The following TENM2 variants were observed in gnomAD, a reference collection of about 807,000 sequenced individuals.
The protein encoded by TENM2 is teneurin-2.
TENM2 carries 52 observed loss-of-function variants against 245.2 expected under a neutral mutation model. The ratio of observed to expected loss-of-function variants is 0.21; its 90% CI spans 0.17 to 0.27. The LOEUF (loss-of-function observed/expected upper bound fraction) is 0.27. Among genes scored for constraint, TENM2 ranks in the 10% least tolerant of loss-of-function variants. The probability of loss-of-function intolerance (pLI) is 1.00; values close to 1 mark genes in which losing one functional copy is unlikely to be tolerated. For missense variants in TENM2, 3,046 were observed against 3,666.8 expected, an observed-to-expected ratio of 0.83 and a Z score of 4.37; for synonymous variants, 1,363 against 1,438.9, an observed-to-expected ratio of 0.95 and a Z score of 1.19.
At chr5:167,711,478 G>A (rs1339035200) in intron 2 of TENM2, among the ~76,000 whole-genome samples, 1 of 152,070 alleles carries the variant, frequency 6.6e-6, no homozygotes, top group Non-Finnish European at 1.5e-5. Flanking sequence ...ATCCTTTTCG[G>A]CCTGGACCCC....
the TENM2 span, among the ~76,000 whole-genome samples, chr5:166,994,706 A>T: frequency 6.6e-6 from 1 of 152,176 alleles, no homozygotes; most frequent in African/African-American, 2.4e-5. Context: ...TAGGAACTGA[A>T]CATCACAGCT....
intron 12 of TENM2, among the ~76,000 whole-genome samples, chr5:168,161,843 C>CACACAT (rs1296353237): frequency 6.6e-6 from 1 of 151,660 alleles, no homozygotes; most frequent in South Asian, 2.1e-4. Context: ...CACACACACA[C>CACACAT]ATCAATAAAG....
chr5:167,389,220 A>C (rs66870020), intron 2 of TENM2, among the ~76,000 whole-genome samples: 29,176 of 149,078 alleles, frequency 0.2, 2,938 homozygotes, highest in African/African-American at 0.22. Context: ...TATGCAAAGC[A>C]TATGTGCGTA....
chr5:168,237,969 C>T (rs1195554269), intron 25 of TENM2, among the ~76,000 whole-genome samples: 1 of 151,098 alleles, frequency 6.6e-6, no homozygotes, highest in African/African-American at 2.4e-5. Context: ...GGTGAAACCC[C>T]GTCTCTACTA....
chr5:167,136,976 C>T, the TENM2 span, among the ~76,000 whole-genome samples: 4 of 152,128 alleles, frequency 2.6e-5, no homozygotes, highest in Middle Eastern at 3.2e-3. Context: ...CTGGGAAGTC[C>T]AAGAACAAGG....
intron 5 of TENM2, among the ~76,000 whole-genome samples, chr5:168,035,644 G>A (rs1449734180): frequency 6.6e-6 from 1 of 152,164 alleles, no homozygotes; most frequent in Admixed American, 6.5e-5. Flanking sequence ...GGTCACCTTG[G>A]ACAATTCTTT....
the TENM2 span, among the ~76,000 whole-genome samples, chr5:167,087,815 A>G: frequency 6.6e-6 from 1 of 150,892 alleles, no homozygotes; most frequent in South Asian, 2.1e-4. Flanking sequence ...TTTAAAACAG[A>G]GTCTTGCTCT....
intron 2 of TENM2, among the ~76,000 whole-genome samples, chr5:167,672,551 C>T (rs1446456394): frequency 6.6e-6 from 1 of 152,104 alleles, no homozygotes; most frequent in African/African-American, 2.4e-5. Context: ...CCCATCATTC[C>T]TCTTAGGCTT....
chr5:167,783,697 G>C (rs1291778923), intron 2 of TENM2, among the ~76,000 whole-genome samples: 2 of 152,168 alleles, frequency 1.3e-5, no homozygotes, highest in Non-Finnish European at 2.9e-5. Context: ...CCAAATCATT[G>C]TGTTGTTTTT....
chr5:167,016,277 C>CA, the TENM2 span, among the ~76,000 whole-genome samples: 16 of 82,194 alleles, frequency 1.9e-4, no homozygotes, highest in South Asian at 8.9e-4. Flanking sequence ...AACAAACAAA[C>CA]AAACAAAAAA....
At chr5:167,954,731 C>T (rs1187250289) in intron 4 of TENM2, among the ~76,000 whole-genome samples, 1 of 152,076 alleles carries the variant, frequency 6.6e-6, no homozygotes, top group East Asian at 1.9e-4. Flanking sequence ...GTTTTCTGTT[C>T]CTGTGTTAGT....
intron 1 of TENM2, among the ~76,000 whole-genome samples, chr5:167,314,401 TTATTATTTTA>T (rs1756228104): frequency 6.6e-6 from 1 of 152,134 alleles, no homozygotes; most frequent in East Asian, 1.9e-4. Context: ...TAATGAAGAG[TTATTATTTTA>T]TAGATGACAA....
chr5:167,174,239 C>A, the TENM2 span, among the ~76,000 whole-genome samples: 1 of 151,956 alleles, frequency 6.6e-6, no homozygotes, highest in Non-Finnish European at 1.5e-5. Flanking sequence ...TGTAATACAT[C>A]TAAACACCCA....
chr5:167,751,369 C>T (rs568881026), intron 2 of TENM2, among the ~76,000 whole-genome samples: 30 of 151,996 alleles, frequency 2.0e-4, no homozygotes, highest in Non-Finnish European at 3.7e-4. Flanking sequence ...TTGAGAGGAC[C>T]GATAGGAGGT....
At chr5:166,983,558 A>G in the TENM2 span, among the ~76,000 whole-genome samples, 1 of 152,274 alleles carries the variant, frequency 6.6e-6, no homozygotes, top group Admixed American at 6.5e-5. Context: ...AACACAGCTA[A>G]TATGTTAGAA....
chr5:167,234,282 T>C, the TENM2 span, among the ~76,000 whole-genome samples: 1 of 152,212 alleles, frequency 6.6e-6, no homozygotes, highest in African/African-American at 2.4e-5. Flanking sequence ...TTTCTCTTCC[T>C]CTAGCTTTTG....
chr5:167,226,281 A>G, the TENM2 span, among the ~76,000 whole-genome samples: 2 of 151,812 alleles, frequency 1.3e-5, no homozygotes, highest in African/African-American at 4.8e-5. Context: ...TTTTTGATGT[A>G]GGCATTTAGC....
At chr5:167,818,430 G>C (rs925748165) in intron 2 of TENM2, among the ~76,000 whole-genome samples, 1 of 152,110 alleles carries the variant, frequency 6.6e-6, no homozygotes. Flanking sequence ...AATAGCTGAG[G>C]GTTGTTATAA....
intron 3 of TENM2, among the ~76,000 whole-genome samples, chr5:167,950,286 GC>G (rs1779978061): frequency 6.6e-6 from 1 of 152,190 alleles, no homozygotes. Context: ...CAGGAATTCT[GC>G]CCACGCATAA....
Sources: allele counts gnomAD v4.1 joint callset (sites outside exome capture counted in the v4.1 genomes callset), GRCh38; gene constraint gnomAD v4.1.1; transcripts MANE v1.5; gene names NCBI Gene and HGNC (gene_info 2026-07-23, HGNC 2026-07-21).